Variants in ADAMTSL1 observed in about 807,000 individuals in gnomAD.
The protein encoded by ADAMTSL1 is ADAMTS-like protein 1.
ADAMTSL1 carries 126 observed loss-of-function variants against 201.8 expected under a neutral mutation model. The observed-to-expected ratio is 0.62, with a 90% CI of 0.54 to 0.72. ADAMTSL1 has a LOEUF of 0.72. ADAMTSL1 is among the 30% of genes least tolerant of loss of function. The probability of loss-of-function intolerance (pLI) is 0.00; values close to 1 mark genes in which losing one functional copy is unlikely to be tolerated. For synonymous variants in ADAMTSL1, 1,121 were observed against 903.4 expected, an observed-to-expected ratio of 1.24 and a Z score of -4.32; for missense variants, 2,679 against 2,277.8, an observed-to-expected ratio of 1.18 and a Z score of -3.59.
At chr9:18,067,432 A>G (rs1242159064) in intron 1 of ADAMTSL1, among the ~76,000 whole-genome samples, 2 of 152,232 alleles carry the variant, frequency 1.3e-5, no homozygotes, top group Non-Finnish European at 1.5e-5. Context: ...CTTTTGCCAT[A>G]TTATGAGATG....
chr9:18,582,038 A>C (rs909584413), intron 4 of ADAMTSL1, among the ~76,000 whole-genome samples: 22 of 152,188 alleles, frequency 1.4e-4, no homozygotes, highest in African/African-American at 5.1e-4. Flanking sequence ...ATTAACAGGT[A>C]TCCAAGCCAT....
intron 23 of ADAMTSL1, among the ~76,000 whole-genome samples, chr9:18,837,055 G>A (rs901474637): frequency 6.6e-6 from 1 of 152,148 alleles, no homozygotes; most frequent in South Asian, 2.1e-4. Context: ...TCAGTGAAGA[G>A]AGATAGTTTG....
chr9:18,783,583 C>T (rs958920400), intron 19 of ADAMTSL1, among the ~76,000 whole-genome samples: 8 of 152,108 alleles, frequency 5.3e-5, no homozygotes, highest in African/African-American at 1.9e-4. Context: ...CAGCCAGTGG[C>T]TTTAACATCT....
At chr9:18,765,946 G>C (rs1820330766) in intron 16 of ADAMTSL1, among the ~76,000 whole-genome samples, 1 of 152,284 alleles carries the variant, frequency 6.6e-6, no homozygotes. Flanking sequence ...TTATTCAAGA[G>C]ACTCAGCCAC....
intron 2 of ADAMTSL1, among the ~76,000 whole-genome samples, chr9:18,379,592 G>A (rs1319334900): frequency 6.6e-6 from 1 of 152,196 alleles, no homozygotes; most frequent in Non-Finnish European, 1.5e-5. Context: ...TGAGCTGAAG[G>A]ACCAGGACAG....
At position 18,049,811 on chromosome 9, in the gene ADAMTSL1, G is replaced by C. The variant is rs901373225; in HGVS notation, c.88-114051G>C. On this transcript the variant is annotated intron_variant, in intron 1 of 29. Transcript: ENST00000680146. ...GCTAATTTTTTGTATTTTTAGTAGA[G>C]ATAGGGTTTTACCGTGTTAGCCAGG... Among the ~76,000 whole-genome samples the C allele has an allele frequency of 3.3e-5, 5 of 152,198 alleles. No individual in the cohort carries two copies. The South Asian group carries it at 1.0e-3, about 32-fold the overall frequency.
chr9:18,181,690 G>A (rs1224302061), intron 2 of ADAMTSL1, among the ~76,000 whole-genome samples: 1 of 151,974 alleles, frequency 6.6e-6, no homozygotes, highest in Non-Finnish European at 1.5e-5. Flanking sequence ...CTGTTGGTGG[G>A]ACTGTAAACT....
chr9:18,137,674 G>C (rs557771818), intron 1 of ADAMTSL1, among the ~76,000 whole-genome samples: 1 of 152,108 alleles, frequency 6.6e-6, no homozygotes, highest in Non-Finnish European at 1.5e-5. Context: ...CCCTGTGGAA[G>C]AAAAAATAAT....
Position 18,721,569 on chromosome 9 carries a change from A to G in ADAMTSL1, c.1910A>G (p.Lys637Arg), listed in dbSNP as rs112398051. ...VQEAVVSCLN[K>R]QTREPAEENL... ...GAGGCTGTGGTGAGCTGCTTGAACA[A>G]ACAGACTCGGGAGCCTGCTGAGGAG... The change falls in exon 15 of 29, where the codon AAA becomes AGA. Residue 637 changes from lysine (K) to arginine (R), a missense_variant. By Grantham distance (26) the Lys-to-Arg change is conservative. Transcript: ENST00000380548. 2.0e-4 allele frequency: 318 copies of G among 1,613,914 alleles called. 1 individual carries two copies. The African/African-American group carries it at 3.6e-3, about 18-fold the overall frequency.
intron 2 of ADAMTSL1, among the ~76,000 whole-genome samples, chr9:18,397,031 C>G (rs1817780804): frequency 1.4e-5 from 2 of 145,714 alleles, no homozygotes; most frequent in African/African-American, 5.7e-5. Flanking sequence ...TTTTTATTCT[C>G]TGTGCCGTGC....
At chr9:18,488,624 G>C (rs1394135100) in intron 1 of ADAMTSL1, among the ~76,000 whole-genome samples, 1 of 152,066 alleles carries the variant, frequency 6.6e-6, no homozygotes, top group Admixed American at 6.6e-5. Context: ...TACCTCAAAG[G>C]ATCATTGTGA....
chr9:18,117,589 C>T (rs1033555359), intron 1 of ADAMTSL1, among the ~76,000 whole-genome samples: 11 of 152,172 alleles, frequency 7.2e-5, no homozygotes, highest in African/African-American at 2.7e-4. Flanking sequence ...CTACTCCCAA[C>T]ACCTCTTCCC....
At chr9:17,958,877 G>A (rs1204356643) in intron 1 of ADAMTSL1, among the ~76,000 whole-genome samples, 1 of 152,092 alleles carries the variant, frequency 6.6e-6, no homozygotes, top group South Asian at 2.1e-4. Context: ...CAATAGTTGA[G>A]AAGAGAAAAT....
intron 2 of ADAMTSL1, among the ~76,000 whole-genome samples, chr9:18,404,362 T>C (rs1256952708): frequency 6.6e-6 from 1 of 152,178 alleles, no homozygotes; most frequent in Non-Finnish European, 1.5e-5. Flanking sequence ...CATGAAGGAT[T>C]TTATGAATAT....
chr9:18,098,104 T>C (rs2131836949), intron 1 of ADAMTSL1, among the ~76,000 whole-genome samples: 1 of 152,218 alleles, frequency 6.6e-6, no homozygotes, highest in South Asian at 2.1e-4. Flanking sequence ...TCCCATTGAA[T>C]TACATTAGCC....
intron 15 of ADAMTSL1, among the ~76,000 whole-genome samples, chr9:18,727,015 G>C (rs553670866): frequency 6.6e-6 from 1 of 152,142 alleles, no homozygotes; most frequent in Non-Finnish European, 1.5e-5. Context: ...ACGTCTGAAA[G>C]GTCACAGAGT....
At chr9:18,711,397 C>T (rs189464637) in intron 14 of ADAMTSL1, among the ~76,000 whole-genome samples, 1,551 of 148,676 alleles carry the variant, frequency 0.01, 13 homozygotes, top group Middle Eastern at 0.032. Flanking sequence ...GCACACCGTG[C>T]GCGAGCCGAA....
chr9:17,909,132 T>C (rs1305245747), intron 1 of ADAMTSL1, among the ~76,000 whole-genome samples: 1 of 146,214 alleles, frequency 6.8e-6, no homozygotes, highest in African/African-American at 2.5e-5. Flanking sequence ...TTGAGAAGTG[T>C]CTGTTCATGT....
intron 2 of ADAMTSL1, among the ~76,000 whole-genome samples, chr9:18,351,864 G>A (rs1212385137): frequency 6.6e-6 from 1 of 152,152 alleles, no homozygotes; most frequent in African/African-American, 2.4e-5. Flanking sequence ...ACCTTTTAAA[G>A]AAATACATTT....
Sources: gnomAD v4.1 joint callset for allele counts (sites outside exome capture counted in the v4.1 genomes callset) on GRCh38, gnomAD v4.1.1 for gene constraint, MANE v1.5 for transcripts, NCBI Gene and HGNC (gene_info 2026-07-23, HGNC 2026-07-21) for gene names.